The following SCHIP1 variants were observed in gnomAD, a reference collection of about 807,000 sequenced individuals.
SCHIP1 encodes the protein schwannomin-interacting protein 1.
In SCHIP1, 8 loss-of-function variants were observed where a neutral mutation model predicts 29.7. The ratio of observed to expected loss-of-function variants is 0.27; its 90% CI spans 0.16 to 0.49. SCHIP1 has a LOEUF of 0.49. Ranked by LOEUF, SCHIP1 falls within the 20% of genes least tolerant of loss-of-function variation. The probability of loss-of-function intolerance (pLI) is 0.99; values close to 1 mark genes in which losing one functional copy is unlikely to be tolerated. For missense variants in SCHIP1, 193 were observed against 294.6 expected (o/e 0.66, Z 2.52); for synonymous variants, 76 against 94.9 (o/e 0.80, Z 1.16).
At chr3:159,702,037 T>C in the SCHIP1 span, among the ~76,000 whole-genome samples, 20 of 152,280 alleles carry the variant, frequency 1.3e-4, no homozygotes, top group African/African-American at 4.3e-4. Flanking sequence ...CCCTGGGGTA[T>C]AGGTTGGGGC....
chr3:159,505,393 C>A, the SCHIP1 span, among the ~76,000 whole-genome samples: 1 of 152,106 alleles, frequency 6.6e-6, no homozygotes, highest in Non-Finnish European at 1.5e-5. Flanking sequence ...CTAGCCAAAA[C>A]AATTACGAAG....
At chr3:159,621,060 T>A in the SCHIP1 span, among the ~76,000 whole-genome samples, 4 of 152,130 alleles carry the variant, frequency 2.6e-5, no homozygotes, top group African/African-American at 9.7e-5. Flanking sequence ...CCCGACTGAG[T>A]CATCTATTAC....
chr3:159,750,263 GTATATATA>G, the SCHIP1 span, among the ~76,000 whole-genome samples: 10 of 25,102 alleles, frequency 4.0e-4, no homozygotes, highest in South Asian at 2.2e-3. Context: ...ATGTGTGTGT[GTATATATA>G]TATATATATA....
At chr3:159,658,585 C>T in the SCHIP1 span, among the ~76,000 whole-genome samples, 3 of 152,158 alleles carry the variant, frequency 2.0e-5, no homozygotes, top group Non-Finnish European at 2.9e-5. Flanking sequence ...CTGGTTCAGA[C>T]ATTGAGCCTT....
At chr3:159,867,997 A>G (rs183255981) in intron 2 of SCHIP1, among the ~76,000 whole-genome samples, 3 of 142,576 alleles carry the variant, frequency 2.1e-5, no homozygotes, top group Non-Finnish European at 4.5e-5. Context: ...ATATAAATCA[A>G]TGATTTATAT....
the SCHIP1 span, among the ~76,000 whole-genome samples, chr3:159,665,951 C>G: frequency 0.061 from 9,362 of 152,242 alleles, 923 homozygotes; most frequent in African/African-American, 0.21. Flanking sequence ...CCTCCTCCTG[C>G]CTTCCAGTCT....
At chr3:159,334,329 A>G in the SCHIP1 span, among the ~76,000 whole-genome samples, 5 of 152,210 alleles carry the variant, frequency 3.3e-5, no homozygotes, top group Non-Finnish European at 5.9e-5. Context: ...TATAAGAGAC[A>G]GTTATATATT....
chr3:159,587,726 T>A, the SCHIP1 span, among the ~76,000 whole-genome samples: 1 of 152,184 alleles, frequency 6.6e-6, no homozygotes, highest in Non-Finnish European at 1.5e-5. Context: ...GGTGTTTGGT[T>A]TTTTGTCCCT....
At chr3:159,516,720 G>A in the SCHIP1 span, among the ~76,000 whole-genome samples, 1 of 151,718 alleles carries the variant, frequency 6.6e-6, no homozygotes, top group Non-Finnish European at 1.5e-5. Context: ...TTTCCATCTT[G>A]ATCTCACCAG....
the SCHIP1 span, among the ~76,000 whole-genome samples, chr3:159,520,779 T>C: frequency 6.6e-6 from 1 of 152,206 alleles, no homozygotes; most frequent in East Asian, 1.9e-4. Context: ...CTACAACTTA[T>C]TTTTTTCATC....
chr3:159,276,182 T>C, the SCHIP1 span, among the ~76,000 whole-genome samples: 1 of 152,312 alleles, frequency 6.6e-6, no homozygotes, highest in East Asian at 1.9e-4. Context: ...CTCATCTCTG[T>C]TGCATCAGTC....
chr3:159,445,924 C>T, the SCHIP1 span, among the ~76,000 whole-genome samples: 11 of 148,872 alleles, frequency 7.4e-5, no homozygotes, highest in Non-Finnish European at 1.2e-4. Flanking sequence ...ATACCTAATG[C>T]TAAATGATGA....
the SCHIP1 span, among the ~76,000 whole-genome samples, chr3:159,637,384 C>CAT: frequency 8.9e-6 from 1 of 111,986 alleles, no homozygotes; most frequent in Admixed American, 7.7e-5. Flanking sequence ...CACACACACA[C>CAT]ACACACACAC....
At chr3:159,806,712 A>G in the SCHIP1 span, among the ~76,000 whole-genome samples, 1 of 152,238 alleles carries the variant, frequency 6.6e-6, no homozygotes, top group Non-Finnish European at 1.5e-5. Context: ...TGCTGCTCAC[A>G]CTGGAGAAGC....
chr3:159,426,334 A>T, the SCHIP1 span, among the ~76,000 whole-genome samples: 6 of 152,226 alleles, frequency 3.9e-5, no homozygotes, highest in Non-Finnish European at 8.8e-5. Context: ...AGACGCAATA[A>T]AAAATGACAA....
the SCHIP1 span, among the ~76,000 whole-genome samples, chr3:159,569,207 G>A: frequency 6.6e-6 from 1 of 151,840 alleles, no homozygotes; most frequent in East Asian, 1.9e-4. Flanking sequence ...TAGGGTACAT[G>A]TGCACAATGT....
At chr3:159,498,732 T>C in the SCHIP1 span, among the ~76,000 whole-genome samples, 39 of 152,316 alleles carry the variant, frequency 2.6e-4, no homozygotes, top group East Asian at 6.0e-3. Flanking sequence ...GTCCTATTTA[T>C]GATAGCAACC....
the SCHIP1 span, among the ~76,000 whole-genome samples, chr3:159,319,950 G>T: frequency 6.6e-6 from 1 of 152,140 alleles, no homozygotes; most frequent in Non-Finnish European, 1.5e-5. Context: ...TTTGCTTGGT[G>T]CTATGCTCAA....
chr3:159,482,842 G>A, the SCHIP1 span, among the ~76,000 whole-genome samples: 1 of 152,038 alleles, frequency 6.6e-6, no homozygotes, highest in Non-Finnish European at 1.5e-5. Flanking sequence ...TCACATTTCT[G>A]GCAATGCCCA....
Sources: allele counts gnomAD v4.1 joint callset (sites outside exome capture counted in the v4.1 genomes callset), GRCh38; gene constraint gnomAD v4.1.1; transcripts MANE v1.5; gene names NCBI Gene and HGNC (gene_info 2026-07-23, HGNC 2026-07-21).